XPR1: variants seen among roughly 807,000 people sequenced by gnomAD.
The protein encoded by XPR1 is xenotropic and polytropic retrovirus receptor 1, also known as solute carrier family 53 member 1.
Under a neutral mutation model 87.5 loss-of-function variants are expected in XPR1, and 28 were observed. The ratio of observed to expected loss-of-function variants is 0.32; its 90% CI spans 0.24 to 0.44. XPR1 has a LOEUF of 0.44. XPR1 is among the 20% of genes least tolerant of loss of function. The pLI is 1.00. For synonymous variants in XPR1, 300 were observed against 306.1 expected (o/e 0.98, Z 0.21); for missense variants, 559 against 862.3 (o/e 0.65, Z 4.41).
chr1:180,728,304 G>C (rs1055843873), intron 2 of XPR1, among the ~76,000 whole-genome samples: 6 of 144,778 alleles, frequency 4.1e-5, no homozygotes, highest in Non-Finnish European at 7.6e-5. Context: ...AACTGGGGGG[G>C]GGGGTAGTAA....
At chr1:180,812,698 G>A (rs948355972) in intron 7 of XPR1, among the ~76,000 whole-genome samples, 3 of 150,188 alleles carry the variant, frequency 2.0e-5, no homozygotes, top group African/African-American at 7.4e-5. Flanking sequence ...GCCAGGTCTG[G>A]GGTGCAGTGG....
chr1:180,694,977 C>T (rs900897836), intron 2 of XPR1, among the ~76,000 whole-genome samples: 4 of 152,084 alleles, frequency 2.6e-5, no homozygotes, highest in African/African-American at 4.8e-5. Context: ...TCCAATCTGT[C>T]GTTCCCAGTG....
At chr1:180,826,634 G>A (rs78587862) in intron 9 of XPR1, among the ~76,000 whole-genome samples, 2,165 of 152,240 alleles carry the variant, frequency 0.014, 40 homozygotes, top group African/African-American at 0.049. Context: ...ATGAATTACA[G>A]CTAACAATAA....
At chr1:180,773,381 G>T (rs939848162) in intron 2 of XPR1, among the ~76,000 whole-genome samples, 6 of 152,192 alleles carry the variant, frequency 3.9e-5, no homozygotes, top group African/African-American at 1.4e-4. Context: ...TAAAGCTGAA[G>T]AGAAGTAGCA....
intron 11 of XPR1, among the ~76,000 whole-genome samples, chr1:180,853,626 G>C (rs890663532): frequency 7.1e-6 from 1 of 140,232 alleles, no homozygotes; most frequent in African/African-American, 2.6e-5. Flanking sequence ...TTAGACTATA[G>C]ACACACACAC....
chr1:180,857,469 T>C (rs575240606), intron 11 of XPR1, among the ~76,000 whole-genome samples: 4 of 152,294 alleles, frequency 2.6e-5, no homozygotes, highest in African/African-American at 9.6e-5. Context: ...GTGCAGGTAC[T>C]CTTTATTGAA....
At chr1:180,680,641 G>A (rs540608055) in intron 1 of XPR1, among the ~76,000 whole-genome samples, 24 of 152,244 alleles carry the variant, frequency 1.6e-4, no homozygotes, top group Non-Finnish European at 2.5e-4. Context: ...GGGATTGCAG[G>A]CGTGAGCACT....
chr1:180,723,621 G>T (rs1371210122), intron 2 of XPR1, among the ~76,000 whole-genome samples: 5 of 152,128 alleles, frequency 3.3e-5, no homozygotes, highest in African/African-American at 1.2e-4. Context: ...CATTCAGAAA[G>T]ATATTGATAA....
intron 6 of XPR1, among the ~76,000 whole-genome samples, chr1:180,810,125 G>T (rs1264189577): frequency 6.6e-6 from 1 of 152,084 alleles, no homozygotes; most frequent in Non-Finnish European, 1.5e-5. Context: ...TTAGGCACTT[G>T]CTATTACATA....
chr1:180,771,747 G>A (rs1303388717), intron 2 of XPR1, among the ~76,000 whole-genome samples: 1 of 152,134 alleles, frequency 6.6e-6, no homozygotes, highest in Non-Finnish European at 1.5e-5. Context: ...TTTTTGTCAA[G>A]AATACCAGAG....
At chr1:180,751,995 T>A (rs1311520556) in intron 2 of XPR1, among the ~76,000 whole-genome samples, 1 of 152,142 alleles carries the variant, frequency 6.6e-6, no homozygotes, top group African/African-American at 2.4e-5. Flanking sequence ...CTTGGAAACT[T>A]ATAATACAAA....
At chr1:180,702,673 C>T (rs994383617) in intron 2 of XPR1, among the ~76,000 whole-genome samples, 1 of 151,942 alleles carries the variant, frequency 6.6e-6, no homozygotes, top group African/African-American at 2.4e-5. Context: ...TTGACTTTCT[C>T]ATTCCGATCA....
At chr1:180,718,317 G>T (rs1389220232) in intron 2 of XPR1, among the ~76,000 whole-genome samples, 1 of 152,120 alleles carries the variant, frequency 6.6e-6, no homozygotes, top group African/African-American at 2.4e-5. Flanking sequence ...ATACTTCATA[G>T]CTCTGATAAT....
chr1:180,883,973 C>A (rs759812211), intron 14 of XPR1, 33 bp from the exon 15 acceptor site: 2 of 1,601,536 alleles, frequency 1.2e-6, no homozygotes, highest in Non-Finnish European at 1.7e-6. Context: ...GGGTAATGGA[C>A]TAAGTGCTTT....
At chr1:180,839,679 T>C (rs1651436649) in intron 11 of XPR1, among the ~76,000 whole-genome samples, 1 of 152,120 alleles carries the variant, frequency 6.6e-6, no homozygotes, top group Admixed American at 6.5e-5. Context: ...GAGGTCTTCA[T>C]AGAAAGGAAG....
intron 2 of XPR1, among the ~76,000 whole-genome samples, chr1:180,770,084 C>A (rs574689350): frequency 6.6e-6 from 1 of 152,164 alleles, no homozygotes; most frequent in Admixed American, 6.5e-5. Context: ...TTTCATTAGT[C>A]AGCATATCTC....
chr1:180,839,769 G>GT, intron 11 of XPR1, among the ~76,000 whole-genome samples: 2 of 152,338 alleles, frequency 1.3e-5, no homozygotes, highest in South Asian at 2.1e-4. Context: ...TTGTGAAAAA[G>GT]TAAGTTTAGA....
At chr1:180,645,129 T>G (rs2101898668) in intron 1 of XPR1, among the ~76,000 whole-genome samples, 1 of 152,368 alleles carries the variant, frequency 6.6e-6, no homozygotes, top group South Asian at 2.1e-4. Flanking sequence ...TCAGACACAC[T>G]TTTAAGTCCA....
At chr1:180,823,804 C>G (rs1355618988) in intron 7 of XPR1, among the ~76,000 whole-genome samples, 4 of 152,152 alleles carry the variant, frequency 2.6e-5, no homozygotes, top group African/African-American at 9.6e-5. Context: ...ATGACAACCT[C>G]TCTGTGCTCT....
Sources: allele counts gnomAD v4.1 joint callset (sites outside exome capture counted in the v4.1 genomes callset), GRCh38; gene constraint gnomAD v4.1.1; transcripts MANE v1.5; gene names NCBI Gene and HGNC (gene_info 2026-07-23, HGNC 2026-07-21).